Variants in PDE1C observed in about 807,000 individuals in gnomAD.
PDE1C encodes the protein phosphodiesterase 1C, also known as dual specificity calcium/calmodulin-dependent 3',5'-cyclic nucleotide phosphodiesterase 1C.
Under a neutral mutation model 93.1 loss-of-function variants are expected in PDE1C, and 62 were observed. That is an observed-to-expected ratio of 0.67 (90% CI 0.54 to 0.82). The LOEUF is 0.82. PDE1C is among the 40% of genes least tolerant of loss of function. PDE1C has a pLI of 0.00. For missense variants in PDE1C, 742 were observed against 884.6 expected, an observed-to-expected ratio of 0.84 and a Z score of 2.04; for synonymous variants, 325 against 310.1, an observed-to-expected ratio of 1.05 and a Z score of -0.50.
intron 1 of PDE1C, among the ~76,000 whole-genome samples, chr7:32,365,095 C>T (rs141419339): frequency 3.3e-5 from 5 of 152,294 alleles, no homozygotes; most frequent in East Asian, 1.9e-4. Flanking sequence ...CAGTGAAAAG[C>T]CCCTGGTAGA....
chr7:32,369,432 G>T (rs1784285391), intron 1 of PDE1C, among the ~76,000 whole-genome samples: 1 of 152,158 alleles, frequency 6.6e-6, no homozygotes, highest in African/African-American at 2.4e-5. Flanking sequence ...AAATCACAGT[G>T]AGTTATAATC....
At chr7:31,690,467 T>G in the PDE1C span, among the ~76,000 whole-genome samples, 2 of 152,324 alleles carry the variant, frequency 1.3e-5, no homozygotes, top group African/African-American at 4.8e-5. Context: ...CCTTTGCAAA[T>G]TTTATTGTAG....
chr7:31,795,325 T>C (rs1785154810), intron 16 of PDE1C, among the ~76,000 whole-genome samples: 1 of 151,892 alleles, frequency 6.6e-6, no homozygotes, highest in Non-Finnish European at 1.5e-5. Flanking sequence ...TCCAATCCCT[T>C]GCATAGAATC....
intron 7 of PDE1C, among the ~76,000 whole-genome samples, chr7:31,861,297 T>C: frequency 6.6e-6 from 1 of 152,178 alleles, no homozygotes; most frequent in East Asian, 1.9e-4. Context: ...TTCATTTTGA[T>C]CTTTGGAGTG....
At chr7:31,757,790 T>A (rs1387765708) in intron 17 of PDE1C, among the ~76,000 whole-genome samples, 1 of 152,196 alleles carries the variant, frequency 6.6e-6, no homozygotes, top group African/African-American at 2.4e-5. Flanking sequence ...AGCCATCCCA[T>A]TACTGGGTAT....
intron 2 of PDE1C, among the ~76,000 whole-genome samples, chr7:31,894,182 G>A (rs1164463108): frequency 3.9e-5 from 6 of 152,198 alleles, no homozygotes; most frequent in Non-Finnish European, 7.3e-5. Flanking sequence ...CAAAGTGTAC[G>A]TGAGAATTTT....
intron 1 of PDE1C, among the ~76,000 whole-genome samples, chr7:32,269,075 C>A (rs1174912647): frequency 2.0e-5 from 3 of 152,310 alleles, no homozygotes; most frequent in South Asian, 2.1e-4. Flanking sequence ...GTGGCAGTAG[C>A]AGCACAGAGG....
chr7:32,341,321 G>A (rs2128080140), intron 1 of PDE1C, among the ~76,000 whole-genome samples: 1 of 148,958 alleles, frequency 6.7e-6, no homozygotes, highest in African/African-American at 2.5e-5. Flanking sequence ...GACTACAGGC[G>A]CCCGCTACCA....
At chr7:31,709,470 G>A in the PDE1C span, among the ~76,000 whole-genome samples, 3 of 152,188 alleles carry the variant, frequency 2.0e-5, no homozygotes, top group Admixed American at 1.3e-4. Context: ...GAGTTTGCAC[G>A]GTGTTTTTTC....
chr7:31,877,936 C>T (rs1351149522), intron 5 of PDE1C, 34 bp downstream of exon 5: 2 of 1,412,618 alleles, frequency 1.4e-6, no homozygotes, highest in Non-Finnish European at 2.0e-6. Context: ...TATTAGGTAC[C>T]ATGTACATTG....
At chr7:31,691,848 C>T in the PDE1C span, among the ~76,000 whole-genome samples, 2 of 141,950 alleles carry the variant, frequency 1.4e-5, no homozygotes, top group South Asian at 2.3e-4. Context: ...ACAACAGAAG[C>T]CTTATTCAAT....
the PDE1C span, chr7:31,643,878 A>G: frequency 3.7e-6 from 6 of 1,613,870 alleles, no homozygotes; most frequent in Non-Finnish European, 5.1e-6. Context: ...TGTGTTCACT[A>G]ACTGGTCACC....
chr7:31,848,275 G>C (rs545463879), intron 8 of PDE1C, among the ~76,000 whole-genome samples, 179 bp from the exon 9 acceptor site: 2 of 152,252 alleles, frequency 1.3e-5, no homozygotes, highest in South Asian at 4.1e-4. Context: ...GATGAATGTA[G>C]GGTATGTTAT....
the PDE1C span, chr7:31,658,187 T>C: frequency 8.3e-7 from 1 of 1,198,856 alleles, no homozygotes; most frequent in Non-Finnish European, 1.1e-6. Context: ...TGTGTAAGGA[T>C]ATTCGTTTTT....
At chr7:31,875,687 T>C (rs1387289167) in intron 5 of PDE1C, among the ~76,000 whole-genome samples, 1 of 150,774 alleles carries the variant, frequency 6.6e-6, no homozygotes, top group Non-Finnish European at 1.5e-5. Context: ...TGTCACTTCC[T>C]GAGTCACAAA....
the PDE1C span, among the ~76,000 whole-genome samples, chr7:31,701,307 G>A: frequency 4.6e-5 from 7 of 152,310 alleles, no homozygotes; most frequent in South Asian, 2.1e-4. Flanking sequence ...AGTGGAGGAC[G>A]TAACTGCAAA....
chr7:32,032,486 G>A (rs1230238326), intron 2 of PDE1C, among the ~76,000 whole-genome samples: 2 of 152,194 alleles, frequency 1.3e-5, no homozygotes, highest in Non-Finnish European at 2.9e-5. Flanking sequence ...ACTGCTACGA[G>A]TGTGTGGAGA....
intron 1 of PDE1C, among the ~76,000 whole-genome samples, chr7:32,248,689 C>T (rs777757862): frequency 1.3e-5 from 2 of 152,196 alleles, no homozygotes; most frequent in Non-Finnish European, 2.9e-5. Context: ...TATCTCTCAT[C>T]AAGTAGACAT....
chr7:32,403,704 C>T (rs774618233), intron 1 of PDE1C, among the ~76,000 whole-genome samples: 2 of 152,142 alleles, frequency 1.3e-5, no homozygotes, highest in African/African-American at 4.8e-5. Context: ...TCAATTAGCA[C>T]GTCTTATACC....
Sources: allele counts gnomAD v4.1 joint callset (sites outside exome capture counted in the v4.1 genomes callset), GRCh38; gene constraint gnomAD v4.1.1; transcripts MANE v1.5; gene names NCBI Gene and HGNC (gene_info 2026-07-23, HGNC 2026-07-21).